PRDM11: variants seen among roughly 807,000 people sequenced by gnomAD.
PRDM11 encodes the protein PR/SET domain 11.
Under a neutral mutation model 97.8 loss-of-function variants are expected in PRDM11, and 20 were observed. The ratio of observed to expected loss-of-function variants is 0.20; its 90% CI spans 0.14 to 0.30. The LOEUF (loss-of-function observed/expected upper bound fraction) is 0.30, where lower values mean the gene tolerates loss of function less well. Among genes scored for constraint, PRDM11 ranks in the 10% least tolerant of loss-of-function variants. The pLI is 1.00. For synonymous variants in PRDM11, 599 were observed against 637.7 expected (o/e 0.94, Z 0.91); for missense variants, 1,139 against 1,555.2 (o/e 0.73, Z 4.50).
intron 4 of PRDM11, among the ~76,000 whole-genome samples, chr11:45,199,728 T>C (rs1178208402): frequency 6.6e-6 from 1 of 152,140 alleles, no homozygotes; most frequent in Non-Finnish European, 1.5e-5. Flanking sequence ...CCCATGTCAG[T>C]CCCAGAATAG....
chr11:45,109,460 GTC>G (rs1453961793), intron 1 of PRDM11, among the ~76,000 whole-genome samples: 1 of 152,190 alleles, frequency 6.6e-6, no homozygotes, highest in Non-Finnish European at 1.5e-5. Flanking sequence ...GTGAGGCCCT[GTC>G]TCTACCATGC....
At chr11:45,100,881 A>C (rs1851961693) in intron 1 of PRDM11, among the ~76,000 whole-genome samples, 1 of 152,248 alleles carries the variant, frequency 6.6e-6, no homozygotes, top group Non-Finnish European at 1.5e-5. Flanking sequence ...CTTCTCAGAG[A>C]AGAAACTTAC....
chr11:45,188,878 C>A (rs1173575908), intron 4 of PRDM11, among the ~76,000 whole-genome samples: 1 of 152,130 alleles, frequency 6.6e-6, no homozygotes, highest in Non-Finnish European at 1.5e-5. Flanking sequence ...ACAGAGGAAG[C>A]CAACATGGGA....
intron 1 of PRDM11, among the ~76,000 whole-genome samples, chr11:45,119,169 T>G (rs937624404): frequency 6.6e-6 from 1 of 152,210 alleles, no homozygotes; most frequent in Non-Finnish European, 1.5e-5. Flanking sequence ...CATAGGTGGT[T>G]AGGAGACCAA....
chr11:45,234,625 G>A lies in PRDM11; in HGVS notation c.*6466G>A, dbSNP rs942379298. 4 of 152,292 alleles carry A rather than the reference G, an allele frequency of 2.6e-5. No homozygotes were observed. Among genetic ancestry groups the A allele is most frequent in the East Asian group, 1.9e-4 (1 of 5,174 alleles). The allele number at this position is 152,292 out of a possible 1,614,324, so 9.4% of individuals were successfully genotyped here. On this transcript the variant is annotated 3_prime_UTR_variant, in exon 8 of 8. Transcript: ENST00000683152. ...ATCCCACAATGCACTGTACCTCAGA[G>A]AGAGAGCACGCCAGGGGCACCAAGG...
At chr11:45,201,693 C>A (rs907770172) in intron 4 of PRDM11, among the ~76,000 whole-genome samples, 1 of 152,074 alleles carries the variant, frequency 6.6e-6, no homozygotes, top group Non-Finnish European at 1.5e-5. Context: ...AGAGGCTGGG[C>A]GCAGTGGCTC....
At chr11:45,141,550 C>A (rs747540771) in intron 1 of PRDM11, among the ~76,000 whole-genome samples, 3 of 152,178 alleles carry the variant, frequency 2.0e-5, no homozygotes, top group Non-Finnish European at 4.4e-5. Context: ...AGCTCATGAT[C>A]CTCTGGAAGG....
At chr11:45,178,371 CT>C (rs1302362167) in intron 1 of PRDM11, among the ~76,000 whole-genome samples, 1 of 152,150 alleles carries the variant, frequency 6.6e-6, no homozygotes, top group Non-Finnish European at 1.5e-5. Flanking sequence ...TCCTCCCCAA[CT>C]TATCGTCAGA....
At chr11:45,225,671 C>T (rs1854257952) in intron 7 of PRDM11, among the ~76,000 whole-genome samples, 1 of 152,188 alleles carries the variant, frequency 6.6e-6, no homozygotes, top group African/African-American at 2.4e-5. Flanking sequence ...TCCATTAGAT[C>T]TACTCTCCTA....
intron 1 of PRDM11, among the ~76,000 whole-genome samples, chr11:45,127,702 A>G (rs111309326): frequency 1.1e-4 from 17 of 152,284 alleles, no homozygotes; most frequent in Non-Finnish European, 2.1e-4. Context: ...CTGCCTGATC[A>G]TTCCTCTGGA....
chr11:45,234,868 G>C lies in PRDM11; in HGVS notation c.*6709G>C, dbSNP rs943236005. 2 of 152,118 alleles carry C rather than the reference G, an allele frequency of 1.3e-5. No individual in the cohort carries two copies. The highest frequency in any genetic ancestry group is 1.3e-4 in the Admixed American group (2 of 15,252). 9.4% of individuals were successfully genotyped at this position (152,118 alleles called of 1,614,324 possible). A position where few individuals can be genotyped will look rare whatever the true frequency, so the allele number is the denominator to read the frequency against. ...TCACAAAGGAAAAATAAGTGGGGAT[G>C]GGGGGAAATACCTAGGAGTCTATTA... On this transcript the variant is annotated 3_prime_UTR_variant, in exon 8 of 8. Transcript: ENST00000683152.
intron 1 of PRDM11, among the ~76,000 whole-genome samples, chr11:45,128,061 C>T (rs1189266472): frequency 5.3e-5 from 8 of 152,226 alleles, no homozygotes; most frequent in African/African-American, 1.9e-4. Flanking sequence ...AGGCGCCCCT[C>T]CCCCAGCCTC....
At chr11:45,213,827 A>G (rs530197883) in intron 5 of PRDM11, 1 of 427,990 alleles carries the variant, frequency 2.3e-6, no homozygotes, top group Non-Finnish European at 4.8e-6. Context: ...AAGCCAGGGT[A>G]TCGGTTTTCC....
At chr11:45,172,884 T>C (rs937956314) in intron 1 of PRDM11, among the ~76,000 whole-genome samples, 1 of 152,194 alleles carries the variant, frequency 6.6e-6, no homozygotes, top group Non-Finnish European at 1.5e-5. Flanking sequence ...GTGTTTCTTG[T>C]CCTACCACCC....
At chr11:45,129,127 C>T (rs890810084) in intron 1 of PRDM11, among the ~76,000 whole-genome samples, 3 of 152,046 alleles carry the variant, frequency 2.0e-5, no homozygotes, top group Admixed American at 1.3e-4. Context: ...AATTAAACTA[C>T]CAGAAAACAG....
chr11:45,227,705 G>T lies in PRDM11; in HGVS notation c.3080G>T (p.Cys1027Phe). 1 of 1,533,946 alleles carries T rather than the reference G, an allele frequency of 6.5e-7. No individual in the cohort carries two copies. Among genetic ancestry groups the T allele is most frequent in the Non-Finnish European group, 8.7e-7 (1 of 1,146,732 alleles). Residue 1027 changes from cysteine to phenylalanine, a missense_variant, in exon 8 of 8, where the codon TGT becomes TTT. Physicochemically the swap from Cys to Phe is radical, Grantham distance 205. Around this residue, in one of 2 missense-constraint regions of PRDM11, gnomAD observed 710 missense variants for 1,044.9 expected, o/e 0.68. Coordinates refer to ENST00000683152, the MANE Select transcript of PRDM11 (RefSeq NM_001384648.1). The surrounding 1 kb of genome is among the most constrained non-coding windows in gnomAD (Gnocchi z 8.0). Reference protein sequence around the residue: ...EAIPTFSRDVCREGLDPRGSL... With the variant: ...EAIPTFSRDVFREGLDPRGSL... ...ATCCCGACCTTTTCCCGGGATGTCT[G>T]TAGGGAAGGGCTGGACCCCCGGGGT...
intron 5 of PRDM11, chr11:45,213,890 G>A (rs1590460137): frequency 2.7e-6 from 1 of 374,448 alleles, no homozygotes; most frequent in East Asian, 7.8e-5. Flanking sequence ...GAGGCAGGGG[G>A]CAGGTCTTGC....
At position 45,224,200 on chromosome 11, in the gene PRDM11, C is replaced by T. The variant is rs745679069; in HGVS notation, c.743-17C>T. On this transcript the variant is annotated splice_polypyrimidine_tract_variant and intron_variant, in intron 6 of 7. Coordinates refer to ENST00000683152, the MANE Select transcript of PRDM11 (RefSeq NM_001384648.1). ...GGGGTTTTCCCCATTTCCTTACACC[C>T]TGGTTTTCCTTCCTAGGAGAGAAGA... 9.7e-6 allele frequency: 15 copies of T among 1,549,106 alleles called. No homozygotes were observed. The highest frequency in any genetic ancestry group is 1.3e-5 in the Non-Finnish European group (15 of 1,153,190).
chr11:45,181,006 C>A (rs755989019), intron 1 of PRDM11, among the ~76,000 whole-genome samples: 5 of 152,180 alleles, frequency 3.3e-5, no homozygotes, highest in Non-Finnish European at 5.9e-5. Context: ...AGCGGGGCCC[C>A]GGGTAGTGAG....
Sources: gnomAD v4.1 joint callset for allele counts (sites outside exome capture counted in the v4.1 genomes callset) on GRCh38, gnomAD v4.1.1 for gene constraint, gnomAD v4.1.1 regional missense constraint, Gnocchi (gnomAD v3.1) non-coding constraint, MANE v1.5 for transcripts, NCBI Gene and HGNC (gene_info 2026-07-23, HGNC 2026-07-21) for gene names.